KRT72: variants seen among roughly 807,000 people sequenced by gnomAD.
KRT72 encodes keratin 72.
A neutral mutation model predicts 44.7 loss-of-function variants in KRT72; 44 were observed. The observed-to-expected ratio is 0.98, with a 90% CI of 0.77 to 1.27. The LOEUF (loss-of-function observed/expected upper bound fraction) is 1.27. Ranked by LOEUF, KRT72 falls within the 50% of genes most tolerant of loss-of-function variation. The pLI, the probability that KRT72 is intolerant of heterozygous loss-of-function variation, is 0.00. For missense variants in KRT72, 736 were observed against 667.1 expected (o/e 1.10, Z -1.14); for synonymous variants, 302 against 280.4 (o/e 1.08, Z -0.77).
At position 52,592,929 on chromosome 12, in the gene KRT72, C is replaced by T. The variant is rs371373515; in HGVS notation, c.665G>A (p.Arg222His). 2.2e-5 allele frequency: 35 copies of T among 1,613,474 alleles called. No homozygotes were observed. The highest frequency in any genetic ancestry group is 8.0e-5 in the African/African-American group (6 of 74,884). Reference protein sequence around the residue: ...KKRYEVEINRRTAAENEFVVL... With the variant: ...KKRYEVEINRHTAAENEFVVL... Reference sequence around the variant, plus strand: ...CACAAACTCATTCTCAGCAGCTGTGCGTCTGTTAATCTCCACCTCATACCT... The same window carrying T: ...CACAAACTCATTCTCAGCAGCTGTGTGTCTGTTAATCTCCACCTCATACCT... Residue 222 changes from arginine to histidine, a missense_variant, in exon 3 of 9, where the codon CGC becomes CAC. Transcript: ENST00000293745.
At chr12:52,588,446 A>G (rs946549980) in intron 6 of KRT72, among the ~76,000 whole-genome samples, 1 of 152,244 alleles carries the variant, frequency 6.6e-6, no homozygotes, top group Non-Finnish European at 1.5e-5. Context: ...TGGGAGCTGA[A>G]CAATGAGAAC....
At chr12:52,600,645 C>T (rs776650785) in intron 1 of KRT72, among the ~76,000 whole-genome samples, 17 of 152,174 alleles carry the variant, frequency 1.1e-4, no homozygotes, top group Admixed American at 7.2e-4. Flanking sequence ...CTCTGGCCGC[C>T]GCCATATAAG....
chr12:52,587,710 G>A lies in KRT72; in HGVS notation c.1231C>T (p.Gln411Ter), dbSNP rs750063172. The A allele has an allele frequency of 1.2e-5, 20 of 1,614,172 alleles. No individual in the cohort carries two copies. In the South Asian group the frequency reaches 2.1e-4, roughly 17 times the overall value. Residue 411 changes from glutamine (Q) to a stop codon, truncating the protein, a stop_gained, in exon 7 of 9, where the codon CAG (glutamine) becomes TAG (stop). Transcript: ENST00000293745. LOFTEE classifies it high-confidence loss of function. Reference sequence around the variant, plus strand: ...GCCAGCTTCAGGCTCACGAGCTCCTGGTACTCACGCAGCATCCGTGCCAGC... The same window carrying A: ...GCCAGCTTCAGGCTCACGAGCTCCTAGTACTCACGCAGCATCCGTGCCAGC... ...EELARMLREY[Q>*]ELVSLKLALD...
At position 52,598,958 on chromosome 12, in the gene KRT72, C is replaced by T. The variant is rs1215039167; in HGVS notation, c.581G>A (p.Gly194Glu). The change falls in exon 2 of 9, where the codon GGG becomes GAG. Residue 194 changes from glycine to glutamate, a missense_variant. Coordinates refer to ENST00000293745, the MANE Select transcript of KRT72 (RefSeq NM_080747.3). ...CCTCAGCTCCGAATCCAGCCTCACCCCGTCCCCAGACAGCATCTCCAGCTG... is the reference window on the plus strand; with the variant it reads ...CCTCAGCTCCGAATCCAGCCTCACCTCGTCCCCAGACAGCATCTCCAGCTG... ...QKQLEMLSGD[G>E]VRLDSELRNM... is the part of the protein sequence containing the mutation. 6.2e-7 allele frequency: 1 copy of T among 1,614,228 alleles called. No homozygotes were observed. The highest frequency in any genetic ancestry group is 8.5e-7 in the Non-Finnish European group (1 of 1,180,052).
At chr12:52,596,608 G>A (rs1219439241) in intron 2 of KRT72, among the ~76,000 whole-genome samples, 1 of 150,964 alleles carries the variant, frequency 6.6e-6, no homozygotes, top group Non-Finnish European at 1.5e-5. Flanking sequence ...CTGGAGTGCG[G>A]TGGCTTGATC....
chr12:52,588,578 T>C (rs1939875908), intron 6 of KRT72, among the ~76,000 whole-genome samples: 1 of 146,078 alleles, frequency 6.8e-6, no homozygotes, highest in Middle Eastern at 3.2e-3. Context: ...GATGCATGGT[T>C]GATAGGTGAT....
At chr12:52,588,944 G>A (rs1939889740) in intron 6 of KRT72, among the ~76,000 whole-genome samples, 1 of 152,050 alleles carries the variant, frequency 6.6e-6, no homozygotes, top group Non-Finnish European at 1.5e-5. Flanking sequence ...AGGTTGCAGT[G>A]AGCCCAGATT....
In KRT72 at chr12:52,599,120, C is replaced by G. The variant is rs1187794334; in HGVS notation, c.427-8G>C. 6.2e-7 allele frequency: 1 copy of G among 1,613,658 alleles called. No individual in the cohort carries two copies. Among genetic ancestry groups the G allele is most frequent in the East Asian group, 2.2e-5 (1 of 44,882 alleles). Reference sequence around the variant, plus strand: ...CTGCTCCAGGAACCGCACCTGGAACCCAAAGGCAGTCATCGCCCAGAGTCC... The same window carrying G: ...CTGCTCCAGGAACCGCACCTGGAACGCAAAGGCAGTCATCGCCCAGAGTCC... On this transcript the variant is annotated splice_polypyrimidine_tract_variant and splice_region_variant and intron_variant, in intron 1 of 8. Transcript: ENST00000293745.
chr12:52,593,316 C>G (rs181899845), intron 2 of KRT72, among the ~76,000 whole-genome samples: 1 of 152,312 alleles, frequency 6.6e-6, no homozygotes, highest in Non-Finnish European at 1.5e-5. Context: ...TGCAATGGCT[C>G]AGGGTGCAAA....
At position 52,586,113 on chromosome 12, in the gene KRT72, C is replaced by T. The variant is rs34119325; in HGVS notation, c.1405G>A (p.Ala469Thr). ...GTTTTGTAGCTATAACTGCTTGAGG[C>T]GCCAAAGCCCATGCTGAAGCCAGCC... Reference protein sequence around the residue: ...GGAGFSMGFGASSSYSYKTAA... With the variant: ...GGAGFSMGFGTSSSYSYKTAA... Residue 469 changes from alanine to threonine, a missense_variant, in exon 9 of 9, where the codon GCC (alanine) becomes ACC (threonine). Transcript: ENST00000293745. 1.1e-3 allele frequency: 1,838 copies of T among 1,614,118 alleles called. 15 individuals carry two copies. In the African/African-American group the frequency reaches 0.012, roughly 11 times the overall value.
rs1236980211 is a variant in KRT72, at chr12:52,585,816, C to T, written c.*166G>A. 1.5e-6 allele frequency: 1 copy of T among 667,464 alleles called. No individual in the cohort carries two copies. Among genetic ancestry groups the T allele is most frequent in the Non-Finnish European group, 2.6e-6 (1 of 383,590 alleles). The allele number at this position is 667,464 out of a possible 1,614,324, so 41.3% of individuals were successfully genotyped here. ...ACTGAGAGAGCTCCTGACTGGACTC[C>T]TTGCATCGAAGCATCACACCTTGAG... is the stretch of plus-strand genomic sequence containing the variant. On this transcript the variant is annotated 3_prime_UTR_variant, in exon 9 of 9. Transcript: ENST00000293745.
rs1033198366 is a variant in KRT72, at chr12:52,589,067, G to T, written c.1090-1216C>A. Among the ~76,000 whole-genome samples the T allele has an allele frequency of 2.6e-5, 4 of 152,128 alleles. No homozygotes were observed. The East Asian group carries it at 5.8e-4, about 22-fold the overall frequency. ...ATAGCTTTGCATAACTGCAGCTGGG[G>T]CTGTGTGCTTGCACTTATGTGAAAG... is the stretch of plus-strand genomic sequence containing the variant. On this transcript the variant is annotated intron_variant, in intron 6 of 8. Transcript: ENST00000293745.
chr12:52,587,549 C>A, intron 7 of KRT72, 82 bp downstream of exon 7: 1 of 1,468,808 alleles, frequency 6.8e-7, no homozygotes, highest in Non-Finnish European at 9.5e-7. Context: ...AGGACCTAAA[C>A]AGGACCAAAC....
In KRT72 at chr12:52,591,605, G is replaced by A; in HGVS notation, c.822C>T (p.His274=). ...ACAGGACGATGGACGTGTCGCTGAT[G>A]TGGGACTGGATCTGAGTGATCTCCT... The part of the protein sequence containing the change: ...YEGEITQIQS[H]ISDTSIVLSM... Residue 274 remains histidine (H), a synonymous_variant, in exon 5 of 9, where the codon CAC becomes CAT. Transcript: ENST00000293745. The A allele has an allele frequency of 6.2e-7, 1 of 1,613,550 alleles. No individual in the cohort carries two copies. Among genetic ancestry groups the A allele is most frequent in the Non-Finnish European group, 8.5e-7 (1 of 1,179,530 alleles).
At chr12:52,600,561 C>T (rs1940395040) in intron 1 of KRT72, among the ~76,000 whole-genome samples, 1 of 152,120 alleles carries the variant, frequency 6.6e-6, no homozygotes, top group Non-Finnish European at 1.5e-5. Context: ...CTGCTATTCT[C>T]CTAATAGTGA....
At chr12:52,589,701 C>G (rs1459599273) in intron 6 of KRT72, among the ~76,000 whole-genome samples, 9 of 151,954 alleles carry the variant, frequency 5.9e-5, no homozygotes, top group Admixed American at 5.9e-4. Flanking sequence ...GCTGAGGGCC[C>G]TCAAAAGGAG....
chr12:52,601,215 C>G lies in KRT72; in HGVS notation c.238G>C (p.Gly80Arg), dbSNP rs1419074105. ...RLGGFVGTAFGSAGLGPKCPS... is the reference protein window; with the variant it reads ...RLGGFVGTAFRSAGLGPKCPS... ...CACTTGGGCCCCAGCCCGGCGCTGCCGAAGGCGGTGCCCACGAAGCCGCCC... is the reference window on the plus strand; with the variant it reads ...CACTTGGGCCCCAGCCCGGCGCTGCGGAAGGCGGTGCCCACGAAGCCGCCC... Residue 80 changes from glycine to arginine, a missense_variant, in exon 1 of 9, where the codon GGC (glycine) becomes CGC (arginine). Physicochemically the swap from Gly to Arg is moderately radical, Grantham distance 125 (BLOSUM62 -2). Transcript: ENST00000293745. 7.5e-6 allele frequency: 12 copies of G among 1,607,684 alleles called. No individual in the cohort carries two copies. Among genetic ancestry groups the G allele is most frequent in the Non-Finnish European group, 9.3e-6 (11 of 1,177,050 alleles).
Position 52,598,880 on chromosome 12 carries a change from T to A in KRT72, c.641+18A>T. ...GAAATCAGATCCTCCAGGGCCATAT[T>A]CCCTGCCACTCACTCACCTCTTCTT... On this transcript the variant is annotated intron_variant, in intron 2 of 8. Transcript: ENST00000293745. 1 of 1,610,518 alleles carries A rather than the reference T, an allele frequency of 6.2e-7. No individual in the cohort carries two copies. Among genetic ancestry groups the A allele is most frequent in the East Asian group, 2.2e-5 (1 of 44,862 alleles).
chr12:52,588,807 C>T (rs1939883919), intron 6 of KRT72, among the ~76,000 whole-genome samples: 1 of 151,954 alleles, frequency 6.6e-6, no homozygotes, highest in East Asian at 1.9e-4. Context: ...GACCAGCTGG[C>T]CAACATGATG....
Sources: allele counts gnomAD v4.1 joint callset (sites outside exome capture counted in the v4.1 genomes callset), GRCh38; gene constraint gnomAD v4.1.1; transcripts MANE v1.5; gene names NCBI Gene and HGNC (gene_info 2026-07-23, HGNC 2026-07-21).